DGKB: variants seen among roughly 807,000 people sequenced by gnomAD.
DGKB encodes the protein 90 kDa diacylglycerol kinase.
Under a neutral mutation model 114.3 loss-of-function variants are expected in DGKB, and 67 were observed. That is an observed-to-expected ratio of 0.59 (90% CI 0.48 to 0.72). DGKB has a LOEUF of 0.72. Ranked by LOEUF, DGKB falls within the 30% of genes least tolerant of loss-of-function variation. The pLI, the probability that DGKB is intolerant of heterozygous loss-of-function variation, is 0.00. For synonymous variants in DGKB, 398 were observed against 323.1 expected (o/e 1.23, Z -2.49); for missense variants, 907 against 975.2 (o/e 0.93, Z 0.93).
At chr7:14,617,711 A>G (rs1806805017) in intron 15 of DGKB, among the ~76,000 whole-genome samples, 4 of 151,624 alleles carry the variant, frequency 2.6e-5, no homozygotes. Context: ...ACTTGCTACC[A>G]CTTTCCATCT....
intron 12 of DGKB, among the ~76,000 whole-genome samples, chr7:14,676,055 C>A (rs778385821): frequency 2.0e-5 from 3 of 151,974 alleles, no homozygotes; most frequent in Non-Finnish European, 4.4e-5. Flanking sequence ...TTTTCAGGAC[C>A]ACCTATAAAG....
chr7:14,618,500 T>C (rs1211701414), intron 15 of DGKB, among the ~76,000 whole-genome samples: 1 of 151,674 alleles, frequency 6.6e-6, no homozygotes, highest in Non-Finnish European at 1.5e-5. Context: ...GTTCTGTTTT[T>C]CTCCTTATTT....
At chr7:14,907,376 C>T (rs1333359470), upstream of DGKB, among the ~76,000 whole-genome samples, 1 of 152,188 alleles carries the variant, frequency 6.6e-6, no homozygotes, top group Non-Finnish European at 1.5e-5. Context: ...TAATTACTGG[C>T]TCCATGATTT....
intron 20 of DGKB, among the ~76,000 whole-genome samples, chr7:14,481,003 CT>C (rs2128911424): frequency 6.6e-6 from 1 of 151,672 alleles, no homozygotes; most frequent in African/African-American, 2.4e-5. Flanking sequence ...ACCTATATAG[CT>C]TTATTTTTAA....
chr7:14,690,562 T>C (rs1226654949), intron 9 of DGKB, among the ~76,000 whole-genome samples: 2 of 152,266 alleles, frequency 1.3e-5, no homozygotes, highest in African/African-American at 4.8e-5. Flanking sequence ...GAGTCAAACC[T>C]GGCCAGCAAC....
At chr7:14,606,799 T>G (rs1482507210) in intron 17 of DGKB, among the ~76,000 whole-genome samples, 1 of 152,054 alleles carries the variant, frequency 6.6e-6, no homozygotes, top group Non-Finnish European at 1.5e-5. Context: ...TGTTAAAAAT[T>G]TATTTTACTA....
rs1355231068 is a variant in DGKB at position 14,417,883 on chromosome 7, C to CA, written c.1835+60277dup. 2.0e-5 allele frequency among the ~76,000 whole-genome samples: 3 copies of CA among 151,450 alleles called. No individual in the cohort carries two copies. In the East Asian group the frequency reaches 5.8e-4, roughly 29 times the overall value. On this transcript the variant is annotated intron_variant, in intron 21 of 25. Coordinates refer to ENST00000402815, the MANE Select transcript of DGKB (RefSeq NM_001350709.2). ...CAGTAAAAAAGGAGAGAAAATAAAA[C>CA]AAAAAACTTTTACCTAGTTTGGATG...
At chr7:14,260,942 C>G (rs986073680) in intron 23 of DGKB, among the ~76,000 whole-genome samples, 3 of 152,096 alleles carry the variant, frequency 2.0e-5, no homozygotes, top group Admixed American at 2.0e-4. Context: ...ATCAAAGAGT[C>G]ATGAAAATCA....
intron 23 of DGKB, among the ~76,000 whole-genome samples, chr7:14,249,463 A>C (rs1489113491): frequency 2.0e-5 from 3 of 152,118 alleles, no homozygotes; most frequent in Non-Finnish European, 2.9e-5. Flanking sequence ...TGAAGCCATC[A>C]GTTCCTAGAC....
intron 13 of DGKB, among the ~76,000 whole-genome samples, chr7:14,640,655 G>C (rs1444889561): frequency 6.6e-6 from 1 of 152,278 alleles, no homozygotes; most frequent in East Asian, 1.9e-4. Flanking sequence ...CAGGCAATGA[G>C]ACAGAGATCA....
chr7:14,500,663 C>T (rs1446619730), intron 20 of DGKB, among the ~76,000 whole-genome samples: 2 of 151,504 alleles, frequency 1.3e-5, no homozygotes, highest in African/African-American at 4.8e-5. Context: ...TAAGCAGTCT[C>T]GTGGTGTTTT....
chr7:14,161,393 G>C (rs1783862423), intron 25 of DGKB, among the ~76,000 whole-genome samples: 1 of 152,154 alleles, frequency 6.6e-6, no homozygotes, highest in African/African-American at 2.4e-5. Context: ...ATTCATAATA[G>C]CAAAGACTTG....
intron 13 of DGKB, among the ~76,000 whole-genome samples, chr7:14,643,486 C>A (rs1812247475): frequency 6.6e-6 from 1 of 152,192 alleles, no homozygotes; most frequent in South Asian, 2.1e-4. Flanking sequence ...TGTATCTCCA[C>A]ATCCATAGTA....
Position 14,339,987 on chromosome 7 carries a change from C to A in DGKB, c.1927-1277G>T, listed in dbSNP as rs540722564. Reference sequence around the variant, plus strand: ...AAAAAGCCCTCTCTTTTTCCACATTCGCCTCATCATACTGAAGCTAGGATT... The same window carrying A: ...AAAAAGCCCTCTCTTTTTCCACATTAGCCTCATCATACTGAAGCTAGGATT... On this transcript the variant is annotated intron_variant, in intron 22 of 25. Coordinates refer to ENST00000402815, the MANE Select transcript of DGKB (RefSeq NM_001350709.2). Among the ~76,000 whole-genome samples, 4 of 151,800 alleles carry A rather than the reference C, an allele frequency of 2.6e-5. No individual in the cohort carries two copies. In the East Asian group the frequency reaches 7.8e-4, roughly 29 times the overall value.
intron 2 of DGKB, among the ~76,000 whole-genome samples, chr7:14,829,691 A>G (rs995346236): frequency 6.6e-6 from 1 of 152,154 alleles, no homozygotes; most frequent in African/African-American, 2.4e-5. Context: ...TTGTTTGATC[A>G]TACTGTAGAT....
chr7:14,180,558 A>C (rs1396391152), intron 23 of DGKB, among the ~76,000 whole-genome samples: 1 of 152,180 alleles, frequency 6.6e-6, no homozygotes, highest in East Asian at 1.9e-4. Context: ...ATCTTTACTA[A>C]CTCTAGCAAA....
chr7:14,503,849 A>G (rs1314354025), intron 20 of DGKB, among the ~76,000 whole-genome samples: 2 of 151,916 alleles, frequency 1.3e-5, no homozygotes, highest in Non-Finnish European at 1.5e-5. Context: ...TCCAGAGAAG[A>G]TATCAGGAGA....
chr7:14,670,498 T>C (rs1818791020), intron 13 of DGKB, among the ~76,000 whole-genome samples: 3 of 151,950 alleles, frequency 2.0e-5, no homozygotes, highest in Admixed American at 2.0e-4. Context: ...GAGATGGGGT[T>C]TCACCATGTT....
chr7:14,605,137 T>C (rs1354879258), intron 17 of DGKB, among the ~76,000 whole-genome samples: 1 of 151,996 alleles, frequency 6.6e-6, no homozygotes, highest in Non-Finnish European at 1.5e-5. Flanking sequence ...GTAATAATTG[T>C]AAAACACAGG....
Sources: allele counts gnomAD v4.1 joint callset (sites outside exome capture counted in the v4.1 genomes callset), GRCh38; gene constraint gnomAD v4.1.1; transcripts MANE v1.5; gene names NCBI Gene and HGNC (gene_info 2026-07-23, HGNC 2026-07-21).